Variants in ZC3H3 observed in about 807,000 individuals in gnomAD.
The protein encoded by ZC3H3 is zinc finger CCCH domain-containing protein 3.
A neutral mutation model predicts 77.3 loss-of-function variants in ZC3H3; 36 were observed. The ratio of observed to expected loss-of-function variants is 0.47; its 90% CI spans 0.36 to 0.61. The LOEUF (loss-of-function observed/expected upper bound fraction) is 0.61, where lower values mean the gene tolerates loss of function less well. ZC3H3 is among the 20% of genes least tolerant of loss of function. The pLI is 0.00. For synonymous variants in ZC3H3, 626 were observed against 555.2 expected (o/e 1.13, Z -1.79); for missense variants, 1,331 against 1,312.2 (o/e 1.01, Z -0.22).
chr8:143,441,260 T>G, intron 9 of ZC3H3, 140 bp from the exon 10 acceptor site: 1 of 925,094 alleles, frequency 1.1e-6, no homozygotes, highest in Non-Finnish European at 1.5e-6. Context: ...GCCAAAGGCT[T>G]CCTCTTGGAA....
At chr8:143,445,238 G>T (rs1819836249) in intron 9 of ZC3H3, among the ~76,000 whole-genome samples, 1 of 152,042 alleles carries the variant, frequency 6.6e-6, no homozygotes, top group African/African-American at 2.4e-5. Flanking sequence ...AAAATTAGCT[G>T]GGCATAGTGG....
At chr8:143,503,219 G>A (rs1821578723) in intron 4 of ZC3H3, among the ~76,000 whole-genome samples, 1 of 152,180 alleles carries the variant, frequency 6.6e-6, no homozygotes, top group South Asian at 2.1e-4. Context: ...TGGGAGCACA[G>A]GTGGCACCGT....
rs748953900 is a variant in ZC3H3 at position 143,465,786 on chromosome 8, G to A, written c.2238C>T (p.His746=). 1.2e-5 allele frequency: 19 copies of A among 1,613,758 alleles called. No homozygotes were observed. The highest frequency in any genetic ancestry group is 4.5e-5 in the East Asian group (2 of 44,900). Residue 746 remains histidine, a synonymous_variant, in exon 9 of 12, where the codon CAC becomes CAT. Transcript: ENST00000262577. ...CCTCGGCCTTGCGGGACACGTACAC[G>A]TGGCTATAGGGACAGTTGCTGTTGC... The part of the protein sequence containing the change: ...ICSNSNCPYS[H]VYVSRKAEVC...
intron 9 of ZC3H3, among the ~76,000 whole-genome samples, chr8:143,463,464 C>T (rs1820320777): frequency 1.3e-5 from 2 of 152,176 alleles, no homozygotes; most frequent in Admixed American, 6.5e-5. Context: ...TGGACACAGC[C>T]GGACACACCC....
At position 143,530,073 on chromosome 8, in the gene ZC3H3, G is replaced by A. The variant is rs1419718319; in HGVS notation, c.1561+6184C>T. Among the ~76,000 whole-genome samples, 6 of 152,194 alleles carry A rather than the reference G, an allele frequency of 3.9e-5. No homozygotes were observed. The highest frequency in any genetic ancestry group is 4.1e-4 in the South Asian group (2 of 4,828). On this transcript the variant is annotated intron_variant, in intron 3 of 11. Transcript: ENST00000262577. The surrounding 1 kb of genome is among the most constrained non-coding windows in gnomAD (Gnocchi z 4.3). ...GAGGGACGGGTAGGAATCGCCCTCC[G>A]TGTGTACAGCAAGCTCTGGGCCAGA...
intron 2 of ZC3H3, 48 bp from the exon 3 acceptor site, chr8:143,536,501 GC>G: frequency 1.4e-6 from 2 of 1,444,992 alleles, no homozygotes; most frequent in South Asian, 2.9e-5. Context: ...TGGGGGTTCT[GC>G]CCACCCACCC....
intron 3 of ZC3H3, among the ~76,000 whole-genome samples, chr8:143,515,303 G>A (rs762439548): frequency 2.9e-4 from 44 of 152,216 alleles, no homozygotes; most frequent in Non-Finnish European, 5.1e-4. Context: ...GCAACGCCTC[G>A]GCCCTCCATC....
At chr8:143,477,691 C>G (rs35457004) in intron 4 of ZC3H3, among the ~76,000 whole-genome samples, 60,547 of 152,126 alleles carry the variant, frequency 0.4, 12,525 homozygotes, top group East Asian at 0.7. Context: ...TCCACAGGAG[C>G]TACGGCCACT....
intron 9 of ZC3H3, among the ~76,000 whole-genome samples, chr8:143,461,766 A>G (rs944632051): frequency 3.9e-5 from 6 of 152,158 alleles, no homozygotes; most frequent in Non-Finnish European, 7.3e-5. Flanking sequence ...CGAAAGGCCC[A>G]CAGAAGAAAC....
At chr8:143,441,851 G>A (rs1819750746) in intron 9 of ZC3H3, among the ~76,000 whole-genome samples, 1 of 152,150 alleles carries the variant, frequency 6.6e-6, no homozygotes, top group South Asian at 2.1e-4. Context: ...TCGTGCCCAA[G>A]GCCTTTCAGG....
intron 3 of ZC3H3, among the ~76,000 whole-genome samples, chr8:143,525,501 C>G (rs1822383546): frequency 6.6e-6 from 1 of 152,232 alleles, no homozygotes; most frequent in African/African-American, 2.4e-5. Context: ...GACCCCACAG[C>G]ACGAAAGGGA....
chr8:143,508,664 G>A (rs922772541), intron 3 of ZC3H3, among the ~76,000 whole-genome samples: 43 of 152,178 alleles, frequency 2.8e-4, no homozygotes, highest in African/African-American at 7.7e-4. Context: ...GCACAGGCCC[G>A]CCTTCCCAAC....
chr8:143,469,026 G>A (rs897341217), intron 5 of ZC3H3, among the ~76,000 whole-genome samples: 1 of 152,202 alleles, frequency 6.6e-6, no homozygotes, highest in African/African-American at 2.4e-5. Flanking sequence ...TGCCTCCCTG[G>A]CCAGGCTCCC....
At chr8:143,450,231 G>A (rs1266416026) in intron 9 of ZC3H3, among the ~76,000 whole-genome samples, 1 of 152,152 alleles carries the variant, frequency 6.6e-6, no homozygotes, top group Admixed American at 6.5e-5. Context: ...GCCCAGGCTG[G>A]AGTGCAGTCA....
chr8:143,468,271 G>A lies in ZC3H3; in HGVS notation c.2113C>T (p.Arg705Trp), dbSNP rs745356696. The part of the protein sequence containing the change: ...EKVAVCTRFV[R>W]GTCKKTDGTC... The stretch of plus-strand genomic sequence containing the variant: ...CCATCCGTTTTCTTGCAGGTGCCCC[G>A]GACAAACCTGCAGCACCAGGAGAAA... The change falls in exon 8 of 12, where the codon CGG (arginine) becomes TGG (tryptophan). Residue 705 changes from arginine to tryptophan, a missense_variant. By Grantham distance (101) the Arg-to-Trp change is moderately radical. Coordinates refer to ENST00000262577, the MANE Select transcript of ZC3H3 (RefSeq NM_015117.3). 12 of 1,612,942 alleles carry A rather than the reference G, an allele frequency of 7.4e-6. No individual in the cohort carries two copies. The South Asian group carries it at 1.1e-4, about 15-fold the overall frequency.
intron 9 of ZC3H3, among the ~76,000 whole-genome samples, chr8:143,454,904 AC>A (rs1371997550): frequency 2.6e-5 from 4 of 152,080 alleles, no homozygotes; most frequent in Admixed American, 2.6e-4. Context: ...TGTCCGGGTA[AC>A]CCTTATTTTC....
chr8:143,514,345 G>A (rs1046588860), intron 3 of ZC3H3, among the ~76,000 whole-genome samples: 4 of 151,782 alleles, frequency 2.6e-5, no homozygotes, highest in Admixed American at 6.6e-5. Flanking sequence ...ATCCTGGCTC[G>A]GGCCCTGGTC....
chr8:143,511,130 G>A (rs930645296), intron 3 of ZC3H3, among the ~76,000 whole-genome samples: 4 of 152,212 alleles, frequency 2.6e-5, no homozygotes, highest in African/African-American at 9.6e-5. Flanking sequence ...CCCTCAGGCC[G>A]GGGACCAGGT....
intron 4 of ZC3H3, among the ~76,000 whole-genome samples, chr8:143,498,571 T>C (rs2130391495): frequency 6.6e-6 from 1 of 151,990 alleles, no homozygotes; most frequent in African/African-American, 2.4e-5. Context: ...CCAACCAGCC[T>C]CCTGCCCCAT....
Sources: gnomAD v4.1 joint callset for allele counts (sites outside exome capture counted in the v4.1 genomes callset) on GRCh38, gnomAD v4.1.1 for gene constraint, Gnocchi (gnomAD v3.1) non-coding constraint, MANE v1.5 for transcripts, NCBI Gene and HGNC (gene_info 2026-07-23, HGNC 2026-07-21) for gene names.